Variants in SFMBT1 observed in about 807,000 individuals in gnomAD.
The protein encoded by SFMBT1 is Scm like with four mbt domains 1.
In SFMBT1, 32 loss-of-function variants were observed where a neutral mutation model predicts 108.7. The ratio of observed to expected loss-of-function variants is 0.29; its 90% CI spans 0.22 to 0.40. The LOEUF (loss-of-function observed/expected upper bound fraction) is 0.40. SFMBT1 is among the 10% of genes least tolerant of loss of function. SFMBT1 has a pLI of 1.00. For missense variants in SFMBT1, 816 were observed against 1,059.6 expected, an observed-to-expected ratio of 0.77 and a Z score of 3.19; for synonymous variants, 348 against 369.5, an observed-to-expected ratio of 0.94 and a Z score of 0.67.
chr3:52,907,770 A>G (rs780250613), intron 17 of SFMBT1, 37 bp from the exon 18 acceptor site: 28 of 1,560,998 alleles, frequency 1.8e-5, no homozygotes, highest in Non-Finnish European at 2.2e-5. Context: ...AAGTAGCTTC[A>G]TTATTTTTGT....
At chr3:52,961,752 C>T (rs1418777334) in intron 2 of SFMBT1, among the ~76,000 whole-genome samples, 1 of 152,154 alleles carries the variant, frequency 6.6e-6, no homozygotes, top group Non-Finnish European at 1.5e-5. Flanking sequence ...ATAAAGACAG[C>T]TTTGAGGGCA....
intron 1 of SFMBT1, among the ~76,000 whole-genome samples, chr3:53,014,987 G>C (rs1260578557): frequency 1.3e-5 from 2 of 152,144 alleles, no homozygotes; most frequent in Non-Finnish European, 2.9e-5. Context: ...TGGGAGGCTG[G>C]CACAGCAGAT....
At chr3:53,041,749 T>C (rs1208113609) in intron 1 of SFMBT1, among the ~76,000 whole-genome samples, 1 of 147,540 alleles carries the variant, frequency 6.8e-6, no homozygotes, top group Non-Finnish European at 1.5e-5. Context: ...CCAATGAGGT[T>C]AGTATCCCCT....
chr3:52,959,883 C>T (rs889507405), intron 2 of SFMBT1, among the ~76,000 whole-genome samples: 4 of 151,892 alleles, frequency 2.6e-5, no homozygotes, highest in East Asian at 1.9e-4. Context: ...TGTTCATTGA[C>T]GTATTCCTTC....
At chr3:52,907,351 G>A (rs760056334) in intron 18 of SFMBT1, 37 bp from the exon 19 acceptor site, 1 of 1,580,458 alleles carries the variant, frequency 6.3e-7, no homozygotes. Flanking sequence ...TGAAATTCAG[G>A]ACATCAATCC....
chr3:53,035,904 T>C (rs937587660), intron 1 of SFMBT1, among the ~76,000 whole-genome samples: 4 of 152,230 alleles, frequency 2.6e-5, no homozygotes, highest in Non-Finnish European at 5.9e-5. Context: ...GAGACGTAAG[T>C]AAATTTTGAA....
chr3:52,907,311 T>C lies in SFMBT1; in HGVS notation c.2089A>G (p.Ser697Gly), dbSNP rs1702089176. 1.2e-6 allele frequency: 2 copies of C among 1,611,314 alleles called. No homozygotes were observed. The highest frequency in any genetic ancestry group is 4.5e-5 in the East Asian group (2 of 44,844). ...GGGTCATCCTCATCTTCACCCCCACTTCCCTGCAGGAAAAGGAGAGAAGTC... is the reference window on the plus strand; with the variant it reads ...GGGTCATCCTCATCTTCACCCCCACCTCCCTGCAGGAAAAGGAGAGAAGTC... ...DNTPAGSPQGSGGEDEDDPDE... is the reference protein window; with the variant it reads ...DNTPAGSPQGGGGEDEDDPDE... Residue 697 changes from serine to glycine, a missense_variant, in exon 19 of 21, where the codon AGT becomes GGT. Around this residue, in one of 5 missense-constraint regions of SFMBT1, gnomAD observed 177 missense variants for 182.0 expected, o/e 0.97. Transcript: ENST00000394752.
At chr3:52,965,042 A>C (rs1363814705) in intron 2 of SFMBT1, among the ~76,000 whole-genome samples, 1 of 152,196 alleles carries the variant, frequency 6.6e-6, no homozygotes, top group East Asian at 1.9e-4. Context: ...AAAGTCCTAA[A>C]ATTAACCAAA....
chr3:52,995,089 T>G (rs1482408537), intron 1 of SFMBT1, among the ~76,000 whole-genome samples: 2 of 143,924 alleles, frequency 1.4e-5, no homozygotes, highest in Admixed American at 1.4e-4. Flanking sequence ...ACACTGAAAC[T>G]GGAAAATATG....
At chr3:52,918,438 C>G (rs1481012414) in intron 13 of SFMBT1, 46 bp downstream of exon 13, 2 of 1,435,744 alleles carry the variant, frequency 1.4e-6, no homozygotes, top group Non-Finnish European at 9.4e-7. Context: ...AGTTATTTTT[C>G]TAGATATTCT....
Position 53,028,302 on chromosome 3 carries a change from G to A in SFMBT1, c.-131+17514C>T, listed in dbSNP as rs548981092. On this transcript the variant is annotated intron_variant, in intron 1 of 20. Transcript: ENST00000394752. ...TTGTCATGTTGCCCATGCTGGTCTCGAACTCCTGGGCTCAAGCAATCCACC... is the reference window on the plus strand; with the variant it reads ...TTGTCATGTTGCCCATGCTGGTCTCAAACTCCTGGGCTCAAGCAATCCACC... Among the ~76,000 whole-genome samples, 71 of 152,176 alleles carry A rather than the reference G, an allele frequency of 4.7e-4. 1 individual carries two copies. The Middle Eastern group carries it at 0.024, about 51-fold the overall frequency.
chr3:52,960,641 A>C lies in SFMBT1; in HGVS notation c.29-6230T>G, dbSNP rs13063993. Among the ~76,000 whole-genome samples the C allele has an allele frequency of 3.4e-3, 403 of 119,530 alleles. 1 individual carries two copies. Among genetic ancestry groups the C allele is most frequent in the African/African-American group, 9.2e-3 (314 of 33,946 alleles). 78.4% of individuals were successfully genotyped at this position (119,530 alleles called of 152,430 possible). A position where few individuals can be genotyped will look rare whatever the true frequency, so the allele number is the denominator to read the frequency against. On this transcript the variant is annotated intron_variant, in intron 2 of 20. Coordinates refer to ENST00000394752, the MANE Select transcript of SFMBT1 (RefSeq NM_016329.4). ...GATCTATCTATCTATCTATCTCTCT[A>C]TCTATCTATGCATGTCTGTGTATAT...
At position 52,932,205 on chromosome 3, in the gene SFMBT1, T is replaced by C. The variant is rs200651934; in HGVS notation, c.557A>G (p.Glu186Gly). The change falls in exon 6 of 21, where the codon GAA becomes GGA. Residue 186 changes from glutamate (E) to glycine (G), a missense_variant. Around this residue, in one of 5 missense-constraint regions of SFMBT1, gnomAD observed 495 missense variants for 607.4 expected, o/e 0.81. Transcript: ENST00000394752. The stretch of plus-strand genomic sequence containing the variant: ...TAGCTTCAGCCTTCCTCCAATGTTT[T>C]CTACTACAGTAACAATCCAAGTGCT... Reference protein sequence around the residue: ...SLSTWIVTVVENIGGRLKLRY... With the variant: ...SLSTWIVTVVGNIGGRLKLRY... 4.0e-5 allele frequency: 65 copies of C among 1,614,078 alleles called. No homozygotes were observed. The highest frequency in any genetic ancestry group is 5.1e-5 in the Non-Finnish European group (60 of 1,180,038).
intron 1 of SFMBT1, among the ~76,000 whole-genome samples, chr3:53,026,029 T>C (rs902921660): frequency 4.6e-5 from 7 of 152,246 alleles, no homozygotes; most frequent in African/African-American, 7.2e-5. Context: ...TGTAAGCACA[T>C]TGCTTCAGAA....
intron 2 of SFMBT1, among the ~76,000 whole-genome samples, chr3:52,959,225 C>A (rs1392643722): frequency 3.9e-5 from 6 of 152,186 alleles, no homozygotes; most frequent in South Asian, 4.1e-4. Context: ...CACCATGGCA[C>A]ATGTTTACCC....
chr3:52,912,477 C>T (rs1702239610), intron 16 of SFMBT1, 61 bp downstream of exon 16: 16 of 1,458,598 alleles, frequency 1.1e-5, no homozygotes, highest in Admixed American at 3.4e-5. Flanking sequence ...TGTGCCACGC[C>T]GATTCTGTGA....
intron 17 of SFMBT1, among the ~76,000 whole-genome samples, chr3:52,910,511 CAG>C (rs1213044172): frequency 2.0e-5 from 3 of 152,098 alleles, no homozygotes; most frequent in Non-Finnish European, 4.4e-5. Flanking sequence ...TTTGGAGACA[CAG>C]AGTCTCGTTT....
chr3:52,939,134 T>A (rs1703108225), intron 4 of SFMBT1, among the ~76,000 whole-genome samples: 1 of 152,236 alleles, frequency 6.6e-6, no homozygotes, highest in Admixed American at 6.5e-5. Flanking sequence ...TTCTCCTAAA[T>A]AGCCGTGGTA....
intron 1 of SFMBT1, among the ~76,000 whole-genome samples, chr3:53,000,531 A>G (rs1438634156): frequency 1.3e-5 from 2 of 150,018 alleles, no homozygotes; most frequent in Non-Finnish European, 3.0e-5. Flanking sequence ...TAGAGCCTCA[A>G]ATGTTTCACA....
Sources: allele counts gnomAD v4.1 joint callset (sites outside exome capture counted in the v4.1 genomes callset), GRCh38; gene constraint gnomAD v4.1.1; regional missense constraint gnomAD v4.1.1; transcripts MANE v1.5; gene names NCBI Gene and HGNC (gene_info 2026-07-23, HGNC 2026-07-21).